KL: variants seen among roughly 807,000 people sequenced by gnomAD.
The protein encoded by KL is alpha-klotho.
KL carries 62 observed loss-of-function variants against 84.2 expected under a neutral mutation model. The ratio of observed to expected loss-of-function variants is 0.74; its 90% CI spans 0.60 to 0.91. The LOEUF is 0.91. Ranked by LOEUF, KL falls within the 40% of genes least tolerant of loss-of-function variation. KL has a pLI of 0.00. For synonymous variants in KL, 528 were observed against 528.0 expected (o/e 1.00, Z 0.00); for missense variants, 1,261 against 1,305.7 (o/e 0.97, Z 0.53).
chr13:33,020,301 C>G (rs1348444000), intron 1 of KL, among the ~76,000 whole-genome samples: 1 of 152,120 alleles, frequency 6.6e-6, no homozygotes, highest in African/African-American at 2.4e-5. Flanking sequence ...CCTGGCTCTC[C>G]CTTGCTTCTC....
At chr13:33,030,014 G>A (rs1400630925) in intron 1 of KL, among the ~76,000 whole-genome samples, 1 of 151,904 alleles carries the variant, frequency 6.6e-6, no homozygotes, top group Admixed American at 6.6e-5. Flanking sequence ...CTGGCATCTG[G>A]TGAGAGACTT....
chr13:33,062,126 C>T (rs1186186588), intron 4 of KL, among the ~76,000 whole-genome samples: 1 of 152,144 alleles, frequency 6.6e-6, no homozygotes, highest in Non-Finnish European at 1.5e-5. Context: ...CACCTGTAAT[C>T]CCAGCATTTT....
chr13:33,047,166 T>C (rs1365053360), intron 1 of KL, among the ~76,000 whole-genome samples: 2 of 152,156 alleles, frequency 1.3e-5, no homozygotes, highest in Non-Finnish European at 2.9e-5. Context: ...GTCTGTTAGC[T>C]CTAGGTGAAT....
Position 33,016,847 on chromosome 13 carries a change from C to G in KL, c.407C>G (p.Thr136Arg), listed in dbSNP as rs1204540198. ...AGCTACAACAACGTCTTCCGCGACA[C>G]GGAGGCGCTGCGCGAGCTCGGGGTC... ...SDSYNNVFRDTEALRELGVTH... is the reference protein window; with the variant it reads ...SDSYNNVFRDREALRELGVTH... The change falls in exon 1 of 5, where the codon ACG becomes AGG. Residue 136 changes from threonine to arginine, a missense_variant. Thr to Arg is a moderately conservative substitution (Grantham distance 71). Coordinates refer to ENST00000380099, the MANE Select transcript of KL (RefSeq NM_004795.4). 6.2e-7 allele frequency: 1 copy of G among 1,612,862 alleles called. No individual in the cohort carries two copies. Among genetic ancestry groups the G allele is most frequent in the Admixed American group, 1.7e-5 (1 of 60,020 alleles).
At chr13:33,026,643 C>G (rs540834356) in intron 1 of KL, among the ~76,000 whole-genome samples, 6 of 152,210 alleles carry the variant, frequency 3.9e-5, no homozygotes, top group Non-Finnish European at 5.9e-5. Flanking sequence ...CACTCACTAT[C>G]TGGCCTCTGT....
Position 33,064,189 on chromosome 13 carries a change from C to T in KL, c.*3C>T. 6.3e-7 allele frequency: 1 copy of T among 1,582,538 alleles called. No homozygotes were observed. The highest frequency in any genetic ancestry group is 8.7e-7 in the Non-Finnish European group (1 of 1,152,726). ...AAGGCAGAAGAAGTTACAAATAGTTCTGAACATTTTTCTATTCATTCATTT... is the reference window on the plus strand; with the variant it reads ...AAGGCAGAAGAAGTTACAAATAGTTTTGAACATTTTTCTATTCATTCATTT... On this transcript the variant is annotated 3_prime_UTR_variant, in exon 5 of 5. Transcript: ENST00000380099.
chr13:33,026,699 C>T (rs1439696979), intron 1 of KL, among the ~76,000 whole-genome samples: 3 of 152,234 alleles, frequency 2.0e-5, no homozygotes, highest in African/African-American at 7.2e-5. Context: ...AAGCCCAGCT[C>T]TGTGACACCT....
rs76598973 is a variant in KL, at chr13:33,061,894, C to T, written c.2701+114C>T. ...GCCACCCTTGGAATGGAGGGCTATCCATTTTGTGCCTCACTGAAACAGTCC... is the reference window on the plus strand; with the variant it reads ...GCCACCCTTGGAATGGAGGGCTATCTATTTTGTGCCTCACTGAAACAGTCC... On this transcript the variant is annotated intron_variant, in intron 4 of 4. Transcript: ENST00000380099. The T allele has an allele frequency of 2.8e-3, 3,005 of 1,067,362 alleles. 61 individuals are homozygous for T. The African/African-American group carries it at 0.041, about 14-fold the overall frequency. The allele number at this position is 1,067,362 out of a possible 1,614,324, so 66.1% of individuals were successfully genotyped here. A position where few individuals can be genotyped will look rare whatever the true frequency, so the allele number is the denominator to read the frequency against.
At chr13:33,037,851 G>A (rs890301197) in intron 1 of KL, among the ~76,000 whole-genome samples, 2 of 152,000 alleles carry the variant, frequency 1.3e-5, no homozygotes, top group Non-Finnish European at 2.9e-5. Context: ...TGAGACCAGA[G>A]CAGAAGACAT....
At position 33,053,920 on chromosome 13, in the gene KL, G is replaced by A. The variant is rs1000908514; in HGVS notation, c.973G>A (p.Gly325Ser). The A allele has an allele frequency of 6.2e-7, 1 of 1,614,144 alleles. No individual in the cohort carries two copies. The highest frequency in any genetic ancestry group is 8.5e-7 in the Non-Finnish European group (1 of 1,180,028). ...TCAAAAATCTCTGGACTTTGTACTA[G>A]GTTGGTTTGCCAAACCCGTATTTAT... is the stretch of plus-strand genomic sequence containing the variant. ...ECQKSLDFVLGWFAKPVFIDG... is the reference protein window; with the variant it reads ...ECQKSLDFVLSWFAKPVFIDG... Residue 325 changes from glycine to serine, a missense_variant, in exon 2 of 5, where the codon GGT becomes AGT. Coordinates refer to ENST00000380099, the MANE Select transcript of KL (RefSeq NM_004795.4).
chr13:33,062,693 AAG>A (rs1491196996), intron 4 of KL, among the ~76,000 whole-genome samples: 4 of 151,548 alleles, frequency 2.6e-5, no homozygotes, highest in African/African-American at 9.7e-5. Flanking sequence ...AAAAAAAAAA[AAG>A]GATTTAACCC....
chr13:33,020,666 A>G (rs1057112291), intron 1 of KL, among the ~76,000 whole-genome samples: 1 of 152,098 alleles, frequency 6.6e-6, no homozygotes, highest in Admixed American at 6.6e-5. Context: ...TAATCCATCA[A>G]CAAATCCTGC....
chr13:33,061,918 C>A, intron 4 of KL, 138 bp downstream of exon 4: 2 of 861,624 alleles, frequency 2.3e-6, no homozygotes, highest in Non-Finnish European at 3.8e-6. Flanking sequence ...CTGAAACAGT[C>A]CAAGAGATAT....
intron 1 of KL, among the ~76,000 whole-genome samples, chr13:33,030,050 G>A (rs182895613): frequency 2.0e-5 from 3 of 152,148 alleles, no homozygotes; most frequent in Admixed American, 6.5e-5. Flanking sequence ...CATGGTGGAA[G>A]GTGAGAGGGC....
Position 33,065,346 on chromosome 13 carries a change from G to C in KL, c.*1160G>C, listed in dbSNP as rs776994795. The C allele has an allele frequency of 1.2e-4, 25 of 206,090 alleles. No homozygotes were observed. Among genetic ancestry groups the C allele is most frequent in the Non-Finnish European group, 2.1e-4 (21 of 100,650 alleles). The allele number at this position is 206,090 out of a possible 1,614,324, so 12.8% of individuals were successfully genotyped here. ...AACTAGTTTTACTTTGAACTTTCAC[G>C]CTGAAACATGCTAGTGATATCTAGA... On this transcript the variant is annotated 3_prime_UTR_variant, in exon 5 of 5. Transcript: ENST00000380099.
intron 1 of KL, among the ~76,000 whole-genome samples, chr13:33,023,071 C>T (rs1182589251): frequency 6.6e-6 from 1 of 152,122 alleles, no homozygotes; most frequent in East Asian, 1.9e-4. Flanking sequence ...GAAAAGGTGG[C>T]CTCTCAAGTG....
At chr13:33,031,271 A>C (rs894263232) in intron 1 of KL, among the ~76,000 whole-genome samples, 2 of 152,228 alleles carry the variant, frequency 1.3e-5, no homozygotes, top group African/African-American at 4.8e-5. Flanking sequence ...ATCCATAAGA[A>C]ATAAAGGAAA....
rs906413250 is a variant in KL, at chr13:33,055,084, C to T, written c.1368C>T (p.Thr456=). Residue 456 remains threonine, a synonymous_variant, in exon 3 of 5, where the codon ACC becomes ACT. Transcript: ENST00000380099. The part of the protein sequence containing the change: ...KLDGVDVIGY[T]AWSLMDGFEW... ...ATGGGGTGGATGTCATCGGGTATAC[C>T]GCATGGTCCCTCATGGATGGTTTCG... is the stretch of plus-strand genomic sequence containing the variant. 2.8e-5 allele frequency: 46 copies of T among 1,614,046 alleles called. No homozygotes were observed. In the Admixed American group the frequency reaches 3.3e-4, roughly 12 times the overall value.
chr13:33,049,754 G>A (rs1871674155), intron 1 of KL, among the ~76,000 whole-genome samples: 1 of 152,156 alleles, frequency 6.6e-6, no homozygotes, highest in Non-Finnish European at 1.5e-5. Flanking sequence ...ATGAAGCAGA[G>A]ACTTTTAATA....
Sources: allele counts gnomAD v4.1 joint callset (sites outside exome capture counted in the v4.1 genomes callset), GRCh38; gene constraint gnomAD v4.1.1; transcripts MANE v1.5; gene names NCBI Gene and HGNC (gene_info 2026-07-23, HGNC 2026-07-21).